The following BCKDHB variants were observed in gnomAD, a reference collection of about 807,000 sequenced individuals.
BCKDHB encodes the protein branched chain keto acid dehydrogenase E1 subunit beta.
In BCKDHB, 41 loss-of-function variants were observed where a neutral mutation model predicts 48.5. That is an observed-to-expected ratio of 0.85 (90% CI 0.66 to 1.10). The LOEUF (loss-of-function observed/expected upper bound fraction) is 1.10. Ranked by LOEUF, BCKDHB falls within the 50% of genes least tolerant of loss-of-function variation. BCKDHB has a pLI of 0.00. For synonymous variants in BCKDHB, 201 were observed against 174.8 expected, an observed-to-expected ratio of 1.15 and a Z score of -1.18; for missense variants, 496 against 494.2, an observed-to-expected ratio of 1.00 and a Z score of -0.03.
At chr6:80,268,340 A>G (rs1777599603) in intron 8 of BCKDHB, among the ~76,000 whole-genome samples, 1 of 152,086 alleles carries the variant, frequency 6.6e-6, no homozygotes, top group Non-Finnish European at 1.5e-5. Context: ...TATACGTGCT[A>G]TGATTTTACC....
chr6:80,201,118 G>C (rs1774374623), intron 7 of BCKDHB, 87 bp downstream of exon 7: 5 of 1,138,052 alleles, frequency 4.4e-6, no homozygotes, highest in Non-Finnish European at 6.6e-6. Flanking sequence ...AATTGAAAAC[G>C]ATGTTTTCTT....
At chr6:80,164,089 A>G (rs1476810097) in intron 3 of BCKDHB, among the ~76,000 whole-genome samples, 2 of 152,160 alleles carry the variant, frequency 1.3e-5, no homozygotes, top group African/African-American at 4.8e-5. Context: ...AGCTCAGAGA[A>G]TGGCATGACC....
At chr6:80,198,078 A>G (rs1029276398) in intron 6 of BCKDHB, among the ~76,000 whole-genome samples, 14 of 152,296 alleles carry the variant, frequency 9.2e-5, no homozygotes, top group African/African-American at 1.7e-4. Flanking sequence ...GGGGCTGGCA[A>G]TCTTTTTCTG....
At chr6:80,393,399 A>T in the BCKDHB span, among the ~76,000 whole-genome samples, 54,903 of 151,960 alleles carry the variant, frequency 0.36, 11,676 homozygotes, top group East Asian at 0.66. Flanking sequence ...AGGAGGGTAG[A>T]GGCCTGGGAA....
At chr6:80,307,781 G>A in intron 9 of BCKDHB, 1 of 984,778 alleles carries the variant, frequency 1.0e-6, no homozygotes, top group South Asian at 4.7e-5. Context: ...ACTTCATAAT[G>A]GAGTATAAAA....
At chr6:80,169,518 A>AT (rs1772785125) in intron 5 of BCKDHB, among the ~76,000 whole-genome samples, 1 of 151,990 alleles carries the variant, frequency 6.6e-6, no homozygotes, top group Admixed American at 6.6e-5. Flanking sequence ...TTTTCTGTTT[A>AT]AAGTTAGGTA....
the BCKDHB span, among the ~76,000 whole-genome samples, chr6:80,420,543 C>G: frequency 6.6e-6 from 1 of 152,156 alleles, no homozygotes; most frequent in Admixed American, 6.5e-5. Context: ...CTACTAAGAT[C>G]TGTACATGCT....
chr6:80,265,799 T>C (rs1777491685), intron 8 of BCKDHB, among the ~76,000 whole-genome samples: 1 of 152,104 alleles, frequency 6.6e-6, no homozygotes, highest in African/African-American at 2.4e-5. Flanking sequence ...GTAACAACAC[T>C]TGAATGAAGG....
chr6:80,223,054 T>A (rs886834016), intron 8 of BCKDHB, among the ~76,000 whole-genome samples: 4 of 152,104 alleles, frequency 2.6e-5, no homozygotes, highest in Admixed American at 2.0e-4. Flanking sequence ...AGATAACTGA[T>A]GGGAAAAGAA....
chr6:80,228,901 C>G (rs1775792480), intron 8 of BCKDHB, among the ~76,000 whole-genome samples: 1 of 152,126 alleles, frequency 6.6e-6, no homozygotes, highest in South Asian at 2.1e-4. Context: ...GCCTGGACTT[C>G]CAACCTTCCA....
the BCKDHB span, among the ~76,000 whole-genome samples, chr6:80,407,136 T>C: frequency 6.6e-6 from 1 of 152,236 alleles, no homozygotes; most frequent in South Asian, 2.1e-4. Flanking sequence ...TTTTTGTTTT[T>C]GTCAGGTTTG....
intron 1 of BCKDHB, among the ~76,000 whole-genome samples, chr6:80,122,348 G>T (rs1210573616): frequency 6.6e-6 from 1 of 152,188 alleles, no homozygotes; most frequent in Non-Finnish European, 1.5e-5. Flanking sequence ...TTGGTATCAG[G>T]ATGATGTTAG....
At chr6:80,184,168 C>T (rs1393696764) in intron 6 of BCKDHB, among the ~76,000 whole-genome samples, 2 of 152,042 alleles carry the variant, frequency 1.3e-5, no homozygotes, top group African/African-American at 2.4e-5. Flanking sequence ...TGATATTTTC[C>T]TGTTGGAGTA....
the BCKDHB span, among the ~76,000 whole-genome samples, chr6:80,351,839 G>A: frequency 1.1e-5 from 1 of 89,610 alleles, no homozygotes; most frequent in Non-Finnish European, 2.5e-5. Flanking sequence ...TTTTTTTTTT[G>A]AGACGGAGTT....
chr6:80,412,047 C>G, the BCKDHB span, among the ~76,000 whole-genome samples: 2 of 152,188 alleles, frequency 1.3e-5, no homozygotes, highest in African/African-American at 4.8e-5. Context: ...ATCAATCTCA[C>G]TGGGAGCTGC....
the BCKDHB span, among the ~76,000 whole-genome samples, chr6:80,382,118 G>C: frequency 6.6e-6 from 1 of 152,070 alleles, no homozygotes; most frequent in South Asian, 2.1e-4. Context: ...CATCATTCTT[G>C]ATGCATCCAT....
At chr6:80,390,572 C>T in the BCKDHB span, among the ~76,000 whole-genome samples, 1 of 152,144 alleles carries the variant, frequency 6.6e-6, no homozygotes, top group Non-Finnish European at 1.5e-5. Context: ...GATTTATTTA[C>T]TTCATTTCAG....
At chr6:80,174,963 A>T (rs972155755) in intron 6 of BCKDHB, among the ~76,000 whole-genome samples, 2 of 152,254 alleles carry the variant, frequency 1.3e-5, no homozygotes, top group African/African-American at 4.8e-5. Flanking sequence ...ATGTAATTCC[A>T]TAAAGTTAGA....
At chr6:80,244,553 G>C (rs113193037) in intron 8 of BCKDHB, among the ~76,000 whole-genome samples, 7 of 152,132 alleles carry the variant, frequency 4.6e-5, no homozygotes, top group African/African-American at 1.7e-4. Flanking sequence ...AACTGTTGTT[G>C]CCCTGAGGGA....
Sources: gnomAD v4.1 joint callset for allele counts (sites outside exome capture counted in the v4.1 genomes callset) on GRCh38, gnomAD v4.1.1 for gene constraint, MANE v1.5 for transcripts, NCBI Gene and HGNC (gene_info 2026-07-23, HGNC 2026-07-21) for gene names.